Variants in ESRRG observed in about 807,000 individuals in gnomAD.
The protein encoded by ESRRG is estrogen-related receptor gamma.
A neutral mutation model predicts 44.0 loss-of-function variants in ESRRG; 13 were observed. The observed-to-expected ratio is 0.30, with a 90% CI of 0.19 to 0.47. The LOEUF is 0.47. Ranked by LOEUF, ESRRG falls within the 20% of genes least tolerant of loss-of-function variation. The pLI is 1.00. For synonymous variants in ESRRG, 215 were observed against 214.6 expected (o/e 1.00, Z -0.02); for missense variants, 395 against 580.6 (o/e 0.68, Z 3.29).
chr1:216,564,332 T>C lies in ESRRG; in HGVS notation c.749A>G (p.Tyr250Cys), dbSNP rs201435029. ...GGGGACAGTAGGGTCAGGCATGGCA[T>C]AGATCTTCTCCGGTTCAGCCACCAA... ...HLLVAEPEKIYAMPDPTVPDS... is the reference protein window; with the variant it reads ...HLLVAEPEKICAMPDPTVPDS... The change falls in exon 5 of 7, where the codon TAT (tyrosine) becomes TGT (cysteine). Residue 250 changes from tyrosine (Y) to cysteine (C), a missense_variant. Physicochemically the swap from Tyr to Cys is radical, Grantham distance 194. Around this residue, in one of 5 missense-constraint regions of ESRRG, gnomAD observed 167 missense variants for 251.8 expected, o/e 0.66. Transcript: ENST00000408911. 99 of 1,611,678 alleles carry C rather than the reference T, an allele frequency of 6.1e-5. No homozygotes were observed. The highest frequency in any genetic ancestry group is 8.4e-5 in the Non-Finnish European group (99 of 1,178,660).
At chr1:216,617,745 C>T (rs1970625) in intron 3 of ESRRG, among the ~76,000 whole-genome samples, 57,163 of 151,928 alleles carry the variant, frequency 0.38, 12,255 homozygotes, top group Middle Eastern at 0.5. Context: ...ACATATATGT[C>T]CAAAATTAGA....
intron 1 of ESRRG, among the ~76,000 whole-genome samples, chr1:217,027,136 C>T (rs6681177): frequency 0.15 from 22,934 of 152,074 alleles, 2,266 homozygotes; most frequent in Admixed American, 0.19. Context: ...ACCACAAAGG[C>T]CACATGTTCC....
intron 2 of ESRRG, among the ~76,000 whole-genome samples, chr1:216,824,501 G>C (rs1329159711): frequency 6.8e-6 from 1 of 146,366 alleles, no homozygotes; most frequent in East Asian, 2.0e-4. Flanking sequence ...TTTTTTGCCT[G>C]TATTAGACAG....
At chr1:216,911,853 T>C (rs2060340850) in intron 2 of ESRRG, among the ~76,000 whole-genome samples, 1 of 151,928 alleles carries the variant, frequency 6.6e-6, no homozygotes, top group South Asian at 2.1e-4. Flanking sequence ...GTGGATCACG[T>C]GCGCTCAGGA....
chr1:216,856,057 A>C (rs2149041107), intron 2 of ESRRG, among the ~76,000 whole-genome samples: 1 of 152,046 alleles, frequency 6.6e-6, no homozygotes, highest in Middle Eastern at 3.4e-3. Flanking sequence ...TACCTGGGGC[A>C]TTGTGTTGAC....
chr1:217,044,586 A>C (rs769083784), intron 1 of ESRRG, among the ~76,000 whole-genome samples: 1 of 152,174 alleles, frequency 6.6e-6, no homozygotes, highest in African/African-American at 2.4e-5. Flanking sequence ...CAGTGAGACT[A>C]AAGGGCAATT....
chr1:216,680,548 G>A (rs769663697), intron 1 of ESRRG, among the ~76,000 whole-genome samples: 2 of 152,348 alleles, frequency 1.3e-5, no homozygotes, highest in Non-Finnish European at 2.9e-5. Context: ...TGGAAAAGGG[G>A]TGAAGGGGCC....
At chr1:216,844,763 ATG>A (rs35416075) in intron 2 of ESRRG, among the ~76,000 whole-genome samples, 31,187 of 150,368 alleles carry the variant, frequency 0.21, 3,266 homozygotes, top group Admixed American at 0.27. Context: ...GCATTCGTGC[ATG>A]TGTGTGTGTG....
chr1:216,835,888 G>A (rs61817888), intron 2 of ESRRG, among the ~76,000 whole-genome samples: 12 of 151,896 alleles, frequency 7.9e-5, no homozygotes, highest in Non-Finnish European at 1.5e-4. Context: ...GAACAAAACC[G>A]CTTGATTTAT....
At chr1:216,587,694 T>C (rs1480765298) in intron 3 of ESRRG, among the ~76,000 whole-genome samples, 1 of 152,108 alleles carries the variant, frequency 6.6e-6, no homozygotes, top group African/African-American at 2.4e-5. Flanking sequence ...TAAAACCATT[T>C]GGAAAGAAAC....
At chr1:216,995,833 T>C (rs1202157290) in intron 1 of ESRRG, among the ~76,000 whole-genome samples, 2 of 152,140 alleles carry the variant, frequency 1.3e-5, no homozygotes, top group African/African-American at 4.8e-5. Flanking sequence ...CATTTTGTCC[T>C]ATTCTTTTTG....
At chr1:216,651,145 G>T in intron 2 of ESRRG, 56 bp from the exon 3 acceptor site, 1 of 1,120,422 alleles carries the variant, frequency 8.9e-7, no homozygotes. Context: ...GGAAACATTA[G>T]CTTCCCAAAG....
intron 2 of ESRRG, among the ~76,000 whole-genome samples, chr1:216,898,596 C>A (rs11117718): frequency 1.5e-4 from 23 of 151,968 alleles, no homozygotes; most frequent in South Asian, 1.2e-3. Flanking sequence ...CCAGCCTAGG[C>A]GACAAAGCGA....
chr1:216,987,285 T>C, intron 1 of ESRRG, among the ~76,000 whole-genome samples: 1 of 152,220 alleles, frequency 6.6e-6, no homozygotes, highest in African/African-American at 2.4e-5. Flanking sequence ...AAAAAGAGCA[T>C]GCTTCCATGC....
intron 2 of ESRRG, among the ~76,000 whole-genome samples, chr1:216,892,032 C>A (rs2057870350): frequency 1.3e-5 from 2 of 152,006 alleles, no homozygotes; most frequent in Admixed American, 6.6e-5. Context: ...GTCTCGAACT[C>A]CTGACCTTGT....
intron 3 of ESRRG, among the ~76,000 whole-genome samples, chr1:216,611,595 A>AGGTCACAAAACTATGGGTTTT (rs1330789911): frequency 7.2e-4 from 109 of 152,294 alleles, no homozygotes; most frequent in African/African-American, 2.5e-3. Context: ...ACATGAACTC[A>AGGTCACAAAACTATGGGTTTT]GGTCACAAAA....
At chr1:217,105,751 C>A (rs2151575856) in intron 1 of ESRRG, among the ~76,000 whole-genome samples, 1 of 152,258 alleles carries the variant, frequency 6.6e-6, no homozygotes, top group East Asian at 1.9e-4. Context: ...ATCAGCCTAG[C>A]ACCTGCCCCA....
chr1:217,036,622 A>T (rs2082941323), intron 1 of ESRRG, among the ~76,000 whole-genome samples: 1 of 152,156 alleles, frequency 6.6e-6, no homozygotes, highest in South Asian at 2.1e-4. Context: ...ATTAGAACAC[A>T]TGGACACATA....
At chr1:217,079,668 C>T (rs2091590473) in intron 1 of ESRRG, among the ~76,000 whole-genome samples, 3 of 152,292 alleles carry the variant, frequency 2.0e-5, no homozygotes, top group South Asian at 4.1e-4. Flanking sequence ...AATGGAGACA[C>T]TATAACTACC....
Sources: gnomAD v4.1 joint callset for allele counts (sites outside exome capture counted in the v4.1 genomes callset) on GRCh38, gnomAD v4.1.1 for gene constraint, gnomAD v4.1.1 regional missense constraint, MANE v1.5 for transcripts, NCBI Gene and HGNC (gene_info 2026-07-23, HGNC 2026-07-21) for gene names.